DPP6: variants seen among roughly 807,000 people sequenced by gnomAD.
The protein encoded by DPP6 is A-type potassium channel modulatory protein DPP6.
Under a neutral mutation model 122.6 loss-of-function variants are expected in DPP6, and 69 were observed. That is an observed-to-expected ratio of 0.56 (90% CI 0.46 to 0.69). The LOEUF is 0.69. DPP6 is among the 30% of genes least tolerant of loss of function. The pLI, the probability that DPP6 is intolerant of heterozygous loss-of-function variation, is 0.00. For missense variants in DPP6, 928 were observed against 1,116.9 expected, an observed-to-expected ratio of 0.83 and a Z score of 2.41; for synonymous variants, 418 against 433.1, an observed-to-expected ratio of 0.97 and a Z score of 0.43.
intron 1 of DPP6, among the ~76,000 whole-genome samples, chr7:154,055,120 A>G (rs1442629747): frequency 1.4e-5 from 2 of 145,926 alleles, no homozygotes; most frequent in African/African-American, 2.5e-5. Context: ...AAAATACACA[A>G]TGTGTGTGGG....
intron 16 of DPP6, among the ~76,000 whole-genome samples, chr7:154,837,060 C>A (rs1009223552): frequency 2.6e-5 from 4 of 152,220 alleles, no homozygotes; most frequent in Non-Finnish European, 4.4e-5. Flanking sequence ...GGCCAACATG[C>A]ACGTACACAT....
chr7:154,535,944 A>C (rs77909155), intron 3 of DPP6, among the ~76,000 whole-genome samples: 4,971 of 152,260 alleles, frequency 0.033, 271 homozygotes, highest in African/African-American at 0.11. Context: ...TGGTATAGCT[A>C]CTTTGGAAAA....
the DPP6 span, among the ~76,000 whole-genome samples, chr7:153,840,027 C>T: frequency 7.2e-5 from 11 of 152,246 alleles, no homozygotes; most frequent in South Asian, 4.1e-4. Flanking sequence ...TCTACATAGC[C>T]ACTGTGTCCT....
chr7:154,559,845 C>T (rs1016943390), intron 4 of DPP6, among the ~76,000 whole-genome samples: 6 of 151,230 alleles, frequency 4.0e-5, no homozygotes, highest in Non-Finnish European at 7.4e-5. Flanking sequence ...TTTATGGCTG[C>T]AGTCAGCTAT....
chr7:154,247,816 C>T (rs1802084545), intron 1 of DPP6, among the ~76,000 whole-genome samples: 1 of 152,108 alleles, frequency 6.6e-6, no homozygotes, highest in African/African-American at 2.4e-5. Flanking sequence ...TTTATAGCAG[C>T]CCTACTCATA....
intron 1 of DPP6, among the ~76,000 whole-genome samples, chr7:154,150,600 G>C (rs149779950): frequency 8.6e-4 from 131 of 152,312 alleles, no homozygotes; most frequent in African/African-American, 3.2e-3. Context: ...GGCATCTTAT[G>C]GTCTCAGCAC....
At chr7:154,655,522 A>G (rs1442214937) in intron 6 of DPP6, among the ~76,000 whole-genome samples, 2 of 152,238 alleles carry the variant, frequency 1.3e-5, no homozygotes, top group Admixed American at 6.5e-5. Context: ...GAAGAAAGAA[A>G]GAAAAGTGAA....
chr7:153,752,391 AG>A, the DPP6 span, among the ~76,000 whole-genome samples: 2 of 149,866 alleles, frequency 1.3e-5, no homozygotes, highest in African/African-American at 2.5e-5. Context: ...CTAGGATTAC[AG>A]GTGCGCACCA....
At chr7:154,290,614 G>A (rs1451062370) in intron 1 of DPP6, among the ~76,000 whole-genome samples, 1 of 148,572 alleles carries the variant, frequency 6.7e-6, no homozygotes, top group Admixed American at 6.8e-5. Flanking sequence ...TGAACGCACT[G>A]TAGCCTGTGT....
chr7:154,666,339 A>ATT (rs893297130), intron 6 of DPP6, among the ~76,000 whole-genome samples: 6 of 149,636 alleles, frequency 4.0e-5, no homozygotes, highest in Non-Finnish European at 7.4e-5. Context: ...ACTTCATTGT[A>ATT]TTGGGGGGGT....
At chr7:154,022,829 G>T (rs1308480262) in intron 1 of DPP6, among the ~76,000 whole-genome samples, 1 of 152,176 alleles carries the variant, frequency 6.6e-6, no homozygotes, top group African/African-American at 2.4e-5. Context: ...GCAGATTGTG[G>T]TCTTGCACTA....
In DPP6 at chr7:154,295,311, C is replaced by T. The variant is rs370902447; in HGVS notation, c.244-150903C>T. Among the ~76,000 whole-genome samples, 7 of 152,298 alleles carry T rather than the reference C, an allele frequency of 4.6e-5. No homozygotes were observed. In the South Asian group the frequency reaches 1.2e-3, roughly 27 times the overall value. Reference sequence around the variant, plus strand: ...TAGGGAGTGTGTTGTTCATACAAATCACTCAGACTGAGAGTTAGAGATGGG... The same window carrying T: ...TAGGGAGTGTGTTGTTCATACAAATTACTCAGACTGAGAGTTAGAGATGGG... On this transcript the variant is annotated intron_variant, in intron 1 of 25. Transcript: ENST00000377770.
At chr7:154,159,244 A>G (rs1401509542) in intron 1 of DPP6, among the ~76,000 whole-genome samples, 1 of 152,030 alleles carries the variant, frequency 6.6e-6, no homozygotes, top group Admixed American at 6.5e-5. Flanking sequence ...CTTGGCGTTC[A>G]TCCTCGCCAG....
At chr7:153,799,607 C>T in the DPP6 span, among the ~76,000 whole-genome samples, 4 of 152,156 alleles carry the variant, frequency 2.6e-5, no homozygotes, top group African/African-American at 4.8e-5. Flanking sequence ...AACATTTCCT[C>T]ATTAATTCAT....
At chr7:154,438,688 T>A (rs1487370627) in intron 1 of DPP6, among the ~76,000 whole-genome samples, 5 of 152,086 alleles carry the variant, frequency 3.3e-5, no homozygotes, top group African/African-American at 1.2e-4. Context: ...GTTCTGAACC[T>A]CTCTACTTCA....
At position 154,004,782 on chromosome 7, in the gene DPP6, G is replaced by A. The variant is rs187550877; in HGVS notation, c.51+117048G>A. Among the ~76,000 whole-genome samples the A allele has an allele frequency of 5.9e-5, 9 of 152,276 alleles. No homozygotes were observed. In the East Asian group the frequency reaches 1.7e-3, roughly 29 times the overall value. On this transcript the variant is annotated intron_variant, in intron 1 of 25. Transcript: ENST00000404039. ...GACTGTAGTTTATATGTCAGTGACTGTAGTTTATATGGAGTATTTTGTTTA... is the reference window on the plus strand; with the variant it reads ...GACTGTAGTTTATATGTCAGTGACTATAGTTTATATGGAGTATTTTGTTTA...
At chr7:154,623,558 GCAA>G (rs1563025149) in intron 5 of DPP6, among the ~76,000 whole-genome samples, 1 of 137,544 alleles carries the variant, frequency 7.3e-6, no homozygotes, top group Non-Finnish European at 1.6e-5. Context: ...ACGCACACAC[GCAA>G]CACGCACACA....
intron 1 of DPP6, among the ~76,000 whole-genome samples, chr7:154,062,774 TG>T (rs1216695769): frequency 1.0e-4 from 8 of 79,326 alleles, no homozygotes; most frequent in Non-Finnish European, 1.7e-4. Context: ...AGCCAACCCC[TG>T]GTTCCCCCAC....
chr7:154,568,480 T>C (rs2130544612), intron 5 of DPP6, among the ~76,000 whole-genome samples: 1 of 152,330 alleles, frequency 6.6e-6, no homozygotes, highest in Middle Eastern at 3.4e-3. Context: ...TGAGGTATTG[T>C]TCTCCGGAAT....
Sources: gnomAD v4.1 joint callset for allele counts (sites outside exome capture counted in the v4.1 genomes callset) on GRCh38, gnomAD v4.1.1 for gene constraint, MANE v1.5 for transcripts, NCBI Gene and HGNC (gene_info 2026-07-23, HGNC 2026-07-21) for gene names.